Variants in NRG1 observed in about 807,000 individuals in gnomAD.
NRG1 encodes the protein pro-neuregulin-1, membrane-bound isoform.
A neutral mutation model predicts 63.8 loss-of-function variants in NRG1; 18 were observed. The ratio of observed to expected loss-of-function variants is 0.28; its 90% CI spans 0.19 to 0.42. The LOEUF is 0.42. Ranked by LOEUF, NRG1 falls within the 10% of genes least tolerant of loss-of-function variation. The pLI is 1.00. For missense variants in NRG1, 762 were observed against 814.7 expected (o/e 0.94, Z 0.79); for synonymous variants, 302 against 301.3 (o/e 1.00, Z -0.02).
intron 1 of NRG1, among the ~76,000 whole-genome samples, chr8:31,970,201 GAAGAT>G (rs1189138057): frequency 1.3e-5 from 2 of 152,064 alleles, no homozygotes; most frequent in Non-Finnish European, 2.9e-5. Context: ...ACAAGGTTCT[GAAGAT>G]ACTAACTTCT....
chr8:32,736,638 A>G (rs1747317591), intron 6 of NRG1, among the ~76,000 whole-genome samples: 1 of 152,354 alleles, frequency 6.6e-6, no homozygotes, highest in African/African-American at 2.4e-5. Context: ...TTTTTCGACA[A>G]GGTATTTTTT....
upstream of NRG1, among the ~76,000 whole-genome samples, chr8:32,545,524 T>C (rs1233232668): frequency 6.6e-6 from 1 of 152,086 alleles, no homozygotes; most frequent in Non-Finnish European, 1.5e-5. Context: ...CCATCCCTTG[T>C]TCTGGTCAGT....
chr8:31,691,373 T>C (rs914818722), intron 1 of NRG1, among the ~76,000 whole-genome samples: 1 of 151,998 alleles, frequency 6.6e-6, no homozygotes, highest in African/African-American at 2.4e-5. Context: ...TTTGGGAGGC[T>C]GAGGCGGGCG....
chr8:32,567,074 C>T (rs1233545567), intron 1 of NRG1, among the ~76,000 whole-genome samples: 2 of 152,184 alleles, frequency 1.3e-5, no homozygotes, highest in Non-Finnish European at 2.9e-5. Context: ...AACTCCTGGC[C>T]TCAAGTGCCC....
chr8:32,614,620 G>C (rs1440660117), intron 4 of NRG1, 56 bp downstream of exon 4: 1 of 1,540,776 alleles, frequency 6.5e-7, no homozygotes, highest in African/African-American at 1.4e-5. Flanking sequence ...CATAACTGCT[G>C]GCTGCTCCTT....
intron 1 of NRG1, among the ~76,000 whole-genome samples, chr8:32,511,367 G>GTGTATATATATA (rs1338353608): frequency 7.3e-4 from 89 of 122,052 alleles, no homozygotes; most frequent in Non-Finnish European, 1.2e-3. Flanking sequence ...ATATATATGT[G>GTGTATATATATA]TATATATATA....
chr8:32,524,734 G>A (rs1387679171), intron 1 of NRG1, among the ~76,000 whole-genome samples: 2 of 152,052 alleles, frequency 1.3e-5, no homozygotes, highest in East Asian at 1.9e-4. Flanking sequence ...TCTTACTCCT[G>A]TCACCACTAC....
chr8:32,605,416 G>A, intron 2 of NRG1, 146 bp from the exon 3 acceptor site: 2 of 834,820 alleles, frequency 2.4e-6, no homozygotes, highest in Non-Finnish European at 3.7e-6. Flanking sequence ...CATGAGGTCA[G>A]ATCAATGTAA....
At chr8:32,569,945 T>C (rs1838217598) in intron 1 of NRG1, among the ~76,000 whole-genome samples, 1 of 149,290 alleles carries the variant, frequency 6.7e-6, no homozygotes. Context: ...TCTTGCTCTG[T>C]CTCCCAGGCT....
At chr8:32,643,196 T>C (rs910522668) in intron 5 of NRG1, among the ~76,000 whole-genome samples, 2 of 152,244 alleles carry the variant, frequency 1.3e-5, no homozygotes, top group Admixed American at 1.3e-4. Flanking sequence ...TTCCTTATCC[T>C]CTGTGGCAGA....
chr8:32,112,605 T>C (rs558495960), intron 1 of NRG1, among the ~76,000 whole-genome samples: 6 of 152,298 alleles, frequency 3.9e-5, no homozygotes, highest in Non-Finnish European at 8.8e-5. Flanking sequence ...GAAATCCTAT[T>C]TGCATCCTTT....
chr8:31,951,806 G>A (rs1021900561), intron 1 of NRG1, among the ~76,000 whole-genome samples: 3 of 152,040 alleles, frequency 2.0e-5, no homozygotes, highest in Middle Eastern at 3.2e-3. Flanking sequence ...GATTGAAAAG[G>A]AATATGGAAA....
At chr8:31,861,908 GA>G (rs1301408730) in intron 1 of NRG1, among the ~76,000 whole-genome samples, 3 of 151,730 alleles carry the variant, frequency 2.0e-5, no homozygotes, top group Non-Finnish European at 2.9e-5. Context: ...TGAAATGGGT[GA>G]AAAAAAATCA....
At chr8:32,204,695 A>T (rs1479192598) in intron 1 of NRG1, among the ~76,000 whole-genome samples, 1 of 152,248 alleles carries the variant, frequency 6.6e-6, no homozygotes, top group Admixed American at 6.5e-5. Flanking sequence ...GGATTGTAAG[A>T]ATATACACAT....
intron 5 of NRG1, among the ~76,000 whole-genome samples, chr8:32,720,797 T>C (rs984882446): frequency 2.0e-5 from 3 of 152,058 alleles, no homozygotes; most frequent in African/African-American, 7.2e-5. Context: ...TAAAATGCAC[T>C]GTCTGAAAAA....
exon 1 of NRG1, chr8:31,639,366 C>T: frequency 6.5e-7 from 1 of 1,534,094 alleles, no homozygotes; most frequent in Non-Finnish European, 8.7e-7. Context: ...AGGACCCACT[C>T]GCGGGTCCCG....
intron 1 of NRG1, among the ~76,000 whole-genome samples, chr8:31,785,324 G>A (rs1820068332): frequency 6.6e-6 from 1 of 152,128 alleles, no homozygotes; most frequent in African/African-American, 2.4e-5. Context: ...TTCTGAGCAA[G>A]AGCTGTCAAT....
chr8:32,337,769 A>G (rs1803511391), intron 1 of NRG1, among the ~76,000 whole-genome samples: 1 of 150,674 alleles, frequency 6.6e-6, no homozygotes, highest in African/African-American at 2.4e-5. Flanking sequence ...AAGCCTGCAT[A>G]TCCCTGCAAT....
chr8:31,691,769 T>C (rs1028827147), intron 1 of NRG1, among the ~76,000 whole-genome samples: 4 of 152,128 alleles, frequency 2.6e-5, no homozygotes, highest in Non-Finnish European at 5.9e-5. Flanking sequence ...TTTGAAAAAG[T>C]ATGTAAAAAA....
Sources: gnomAD v4.1 joint callset for allele counts (sites outside exome capture counted in the v4.1 genomes callset) on GRCh38, gnomAD v4.1.1 for gene constraint, MANE v1.5 for transcripts, NCBI Gene and HGNC (gene_info 2026-07-23, HGNC 2026-07-21) for gene names.